The following PITPNM3 variants were observed in gnomAD, a reference collection of about 807,000 sequenced individuals.
PITPNM3 encodes PITPNM family member 3.
Under a neutral mutation model 102.0 loss-of-function variants are expected in PITPNM3, and 26 were observed. That is an observed-to-expected ratio of 0.25 (90% CI 0.19 to 0.35). PITPNM3 has a LOEUF of 0.35. Among genes scored for constraint, PITPNM3 ranks in the 10% least tolerant of loss-of-function variants. The pLI is 1.00. For synonymous variants in PITPNM3, 578 were observed against 558.6 expected (o/e 1.03, Z -0.49); for missense variants, 1,083 against 1,346.1 (o/e 0.80, Z 3.06).
intron 17 of PITPNM3, 109 bp downstream of exon 17, chr17:6,463,623 A>G (rs73975549): frequency 0.085 from 123,265 of 1,456,128 alleles, 7,833 homozygotes; most frequent in African/African-American, 0.33. Flanking sequence ...TCGCAGCCCC[A>G]GAGACCGGTA....
intron 6 of PITPNM3, among the ~76,000 whole-genome samples, chr17:6,482,056 C>G (rs1283636906): frequency 7.1e-5 from 8 of 112,816 alleles, no homozygotes; most frequent in South Asian, 2.8e-4. Flanking sequence ...CTCTCTCTCT[C>G]TCTCTCTCTG....
At position 6,455,592 on chromosome 17, in the gene PITPNM3, G is replaced by A. The variant is rs749750327; in HGVS notation, c.2671C>T (p.Arg891Cys). Residue 891 changes from arginine (R) to cysteine (C), a missense_variant, in exon 20 of 20, where the codon CGC becomes TGC. Arg to Cys is a radical substitution (Grantham distance 180). Coordinates refer to ENST00000262483, the MANE Select transcript of PITPNM3 (RefSeq NM_031220.4). ...GAGTTGTTCTTCTTTGGGCGTGAGCGGTGGCTGGCCTCCAGCGCGGCCAGG... is the reference window on the plus strand; with the variant it reads ...GAGTTGTTCTTCTTTGGGCGTGAGCAGTGGCTGGCCTCCAGCGCGGCCAGG... ...AHLAALEASH[R>C]SRPKKNNSRM... 2.9e-5 allele frequency: 47 copies of A among 1,595,274 alleles called. No homozygotes were observed. Among genetic ancestry groups the A allele is most frequent in the South Asian group, 2.5e-4 (23 of 90,722 alleles).
chr17:6,484,461 A>G (rs967072004), intron 4 of PITPNM3, among the ~76,000 whole-genome samples, 169 bp from the exon 5 acceptor site: 1 of 152,144 alleles, frequency 6.6e-6, no homozygotes, highest in Non-Finnish European at 1.5e-5. Flanking sequence ...TGCCTCTGAA[A>G]CCAACACAAC....
Position 6,455,384 on chromosome 17 carries a change from G to T in PITPNM3, c.2879C>A (p.Ala960Glu). Residue 960 changes from alanine (A) to glutamate (E), a missense_variant, in exon 20 of 20, where the codon GCG (alanine) becomes GAG (glutamate). Physicochemically the swap from Ala to Glu is moderately radical, Grantham distance 107. This residue lies in a region of PITPNM3 where 208 missense variants were observed against 178.2 expected (regional missense o/e 1.17). Coordinates refer to ENST00000262483, the MANE Select transcript of PITPNM3 (RefSeq NM_031220.4). ...GGGGGGCCCACGCGCCCAGCTGAGC[G>T]CCGGCAGCGGCCGCTCGTGGTCTTT... ...SDKDHERPLPALSWARGPPKF... is the reference protein window; with the variant it reads ...SDKDHERPLPELSWARGPPKF... The T allele has an allele frequency of 6.3e-7, 1 of 1,591,642 alleles. No homozygotes were observed.
At chr17:6,525,071 G>A (rs1006870724) in intron 3 of PITPNM3, among the ~76,000 whole-genome samples, 49 of 152,128 alleles carry the variant, frequency 3.2e-4, no homozygotes, top group African/African-American at 1.1e-3. Context: ...AAGGAGCTTG[G>A]ACCCAGGCAC....
At chr17:6,513,378 C>T (rs7226155) in intron 3 of PITPNM3, among the ~76,000 whole-genome samples, 20,913 of 151,994 alleles carry the variant, frequency 0.14, 3,810 homozygotes, top group African/African-American at 0.42. Flanking sequence ...TATTCAAAGA[C>T]GATGTAATCC....
At chr17:6,479,064 G>A (rs1376999996) in intron 6 of PITPNM3, 2 of 344,202 alleles carry the variant, frequency 5.8e-6, no homozygotes, top group Non-Finnish European at 1.1e-5. Context: ...GAAGTCAGCT[G>A]AGGACCCAGC....
At chr17:6,473,715 G>A (rs12453882) in intron 10 of PITPNM3, among the ~76,000 whole-genome samples, 1 of 151,964 alleles carries the variant, frequency 6.6e-6, no homozygotes, top group South Asian at 2.1e-4. Context: ...GGTGGTTCAC[G>A]CCTGTAATCC....
At chr17:6,456,102 C>G (rs1255206748) in intron 19 of PITPNM3, among the ~76,000 whole-genome samples, 2 of 152,106 alleles carry the variant, frequency 1.3e-5, no homozygotes, top group Non-Finnish European at 2.9e-5. Flanking sequence ...CAGCTCACCG[C>G]AGTCTCAACT....
chr17:6,521,970 C>T (rs1413745850), intron 3 of PITPNM3, among the ~76,000 whole-genome samples: 2 of 152,014 alleles, frequency 1.3e-5, no homozygotes, highest in East Asian at 1.9e-4. Flanking sequence ...GGCAAAGAAA[C>T]CATTCACAGA....
rs1444962406 is a variant in PITPNM3 at position 6,468,162 on chromosome 17, C to G, written c.1890+63G>C. ...CCTCCCATGTGGATGCCCCAGCCCC[C>G]GGGCCAGCCCCACCTCCCGGAGGAC... On this transcript the variant is annotated intron_variant, in intron 14 of 19. Coordinates refer to ENST00000262483, the MANE Select transcript of PITPNM3 (RefSeq NM_031220.4). The surrounding 1 kb of genome is among the most constrained non-coding windows in gnomAD (Gnocchi z 5.2). 4 of 1,530,704 alleles carry G rather than the reference C, an allele frequency of 2.6e-6. No individual in the cohort carries two copies. The highest frequency in any genetic ancestry group is 1.1e-5 in the South Asian group (1 of 89,288). The allele number at this position is 1,530,704 out of a possible 1,614,324, so 94.8% of individuals were successfully genotyped here.
At position 6,548,013 on chromosome 17, in the gene PITPNM3, C is replaced by T. The variant is rs370404589; in HGVS notation, c.22+8372G>A. Reference sequence around the variant, plus strand: ...AAAGTGCTGGGATTACAGGCGTGAGCCACCACGCCTGGCTGGGGTCTCTTT... The same window carrying T: ...AAAGTGCTGGGATTACAGGCGTGAGTCACCACGCCTGGCTGGGGTCTCTTT... On this transcript the variant is annotated intron_variant, in intron 1 of 19. Transcript: ENST00000262483. Among the ~76,000 whole-genome samples the T allele has an allele frequency of 7.2e-5, 11 of 152,194 alleles. No individual in the cohort carries two copies. The East Asian group carries it at 9.7e-4, about 13-fold the overall frequency.
chr17:6,483,224 G>A (rs1471124562), intron 6 of PITPNM3, among the ~76,000 whole-genome samples: 2 of 152,056 alleles, frequency 1.3e-5, no homozygotes, highest in East Asian at 1.9e-4. Context: ...GATTACAGGC[G>A]TGAGCCACCG....
rs1284828710 is a variant in PITPNM3, at chr17:6,478,730, G to T, written c.594C>A (p.Asn198Lys). 2 of 1,572,202 alleles carry T rather than the reference G, an allele frequency of 1.3e-6. No homozygotes were observed. Among genetic ancestry groups the T allele is most frequent in the Non-Finnish European group, 1.7e-6 (2 of 1,159,312 alleles). Residue 198 changes from asparagine to lysine, a missense_variant, in exon 7 of 20, where the codon AAC (asparagine) becomes AAA (lysine). Asn to Lys is a moderately conservative substitution (Grantham distance 94, BLOSUM62 0). Around this residue, in one of 5 missense-constraint regions of PITPNM3, gnomAD observed 290 missense variants for 337.8 expected, o/e 0.86. Coordinates refer to ENST00000262483, the MANE Select transcript of PITPNM3 (RefSeq NM_031220.4). This position sits in a 1 kb window ranked among gnomAD's most constrained non-coding sequence, Gnocchi z 4.4. ...SEAFSLVSHLNPYSHDEGCLS... is the reference protein window; with the variant it reads ...SEAFSLVSHLKPYSHDEGCLS... ...GGCAGCCCTCATCGTGGCTGTAGGG[G>T]TTCAGGCTGCAGACAGGGGGCCCAA...
chr17:6,466,450 A>AG (rs1200705360), intron 14 of PITPNM3, among the ~76,000 whole-genome samples: 1 of 152,198 alleles, frequency 6.6e-6, no homozygotes, highest in Non-Finnish European at 1.5e-5. Flanking sequence ...GTGCACTGTC[A>AG]GGGGAGAGGG....
In PITPNM3 at chr17:6,461,630, C is replaced by T. The variant is rs1291276550; in HGVS notation, c.2307-74G>A. The T allele has an allele frequency of 4.0e-5, 62 of 1,531,928 alleles. No homozygotes were observed. In the Middle Eastern group the frequency reaches 5.8e-4, roughly 14 times the overall value. 94.9% of individuals were successfully genotyped at this position (1,531,928 alleles called of 1,614,324 possible). ...CTGATGCCCAGAAGCCTGCCCTGCCCGCAGCTGCCCTCCTGAGACGTCAGA... is the reference window on the plus strand; with the variant it reads ...CTGATGCCCAGAAGCCTGCCCTGCCTGCAGCTGCCCTCCTGAGACGTCAGA... On this transcript the variant is annotated intron_variant, in intron 17 of 19. Transcript: ENST00000262483.
intron 4 of PITPNM3, among the ~76,000 whole-genome samples, chr17:6,498,988 C>T (rs1160765939): frequency 5.3e-5 from 8 of 152,216 alleles, no homozygotes; most frequent in South Asian, 4.2e-4. Flanking sequence ...CAGAAGACCC[C>T]GAGAATGTCA....
chr17:6,457,144 C>G lies in PITPNM3; in HGVS notation c.2619+450G>C, dbSNP rs1405991962. On this transcript the variant is annotated intron_variant, in intron 19 of 19. Transcript: ENST00000262483. The surrounding 1 kb of genome is among the most constrained non-coding windows in gnomAD (Gnocchi z 4.7). ...TGGCAGTTCCCAGAATATACATGTT[C>G]TGTGTCACCTCCTGACCTTGGCTTT... 6.6e-6 allele frequency among the ~76,000 whole-genome samples: 1 copy of G among 151,984 alleles called. No individual in the cohort carries two copies. Among genetic ancestry groups the G allele is most frequent in the Non-Finnish European group, 1.5e-5 (1 of 67,992 alleles).
chr17:6,523,716 G>C (rs1908669515), intron 3 of PITPNM3, among the ~76,000 whole-genome samples: 1 of 152,256 alleles, frequency 6.6e-6, no homozygotes, highest in South Asian at 2.1e-4. Flanking sequence ...TTGGGATGAA[G>C]GAAAGAGCAG....
Sources: allele counts gnomAD v4.1 joint callset (sites outside exome capture counted in the v4.1 genomes callset), GRCh38; gene constraint gnomAD v4.1.1; regional missense constraint gnomAD v4.1.1; non-coding constraint Gnocchi (gnomAD v3.1); transcripts MANE v1.5; gene names NCBI Gene and HGNC (gene_info 2026-07-23, HGNC 2026-07-21).